MPP7: variants seen among roughly 807,000 people sequenced by gnomAD.
MPP7 encodes the protein MAGUK p55 scaffold protein 7, also known as MAGUK p55 subfamily member 7.
MPP7 carries 60 observed loss-of-function variants against 76.5 expected under a neutral mutation model. That is an observed-to-expected ratio of 0.78 (90% CI 0.64 to 0.97). The LOEUF is 0.97. Ranked by LOEUF, MPP7 falls within the 50% of genes least tolerant of loss-of-function variation. The pLI, the probability that MPP7 is intolerant of heterozygous loss-of-function variation, is 0.00. For synonymous variants in MPP7, 237 were observed against 244.5 expected, an observed-to-expected ratio of 0.97 and a Z score of 0.29; for missense variants, 641 against 694.0, an observed-to-expected ratio of 0.92 and a Z score of 0.86.
intron 1 of MPP7, among the ~76,000 whole-genome samples, chr10:28,265,573 A>C (rs1172981947): frequency 6.6e-6 from 1 of 152,056 alleles, no homozygotes; most frequent in Non-Finnish European, 1.5e-5. Flanking sequence ...CCCCACCCCC[A>C]AAAAATGCCT....
chr10:28,140,265 C>T (rs1261771693), intron 5 of MPP7, among the ~76,000 whole-genome samples: 2 of 152,190 alleles, frequency 1.3e-5, no homozygotes, highest in African/African-American at 4.8e-5. Flanking sequence ...AATCCTAACA[C>T]TTTGGTAGGC....
chr10:28,122,206 GT>G lies in MPP7; in HGVS notation c.616-1539del, dbSNP rs534991771. Among the ~76,000 whole-genome samples, 378 of 150,880 alleles carry G rather than the reference GT, an allele frequency of 2.5e-3. 3 individuals carry two copies. The highest frequency in any genetic ancestry group is 0.024 in the Admixed American group (367 of 15,136). ...TTATTTTTCTAGTTTGTGTCTGTGT[GT>G]TTTTTTTTAAATGGATCTATGGTCC... On this transcript the variant is annotated intron_variant, in intron 8 of 16. Coordinates refer to ENST00000683449, the MANE Select transcript of MPP7 (RefSeq NM_001318170.2).
intron 2 of MPP7, among the ~76,000 whole-genome samples, chr10:28,315,334 G>A (rs1264253500): frequency 2.1e-5 from 3 of 142,242 alleles, no homozygotes; most frequent in Non-Finnish European, 3.1e-5. Context: ...GAGAGGGAAA[G>A]AAGGAGGGAG....
chr10:28,269,620 G>A (rs1187907370), intron 1 of MPP7, among the ~76,000 whole-genome samples: 2 of 150,684 alleles, frequency 1.3e-5, no homozygotes, highest in Admixed American at 6.6e-5. Context: ...TCCAACTCCT[G>A]GCCTCAAGTG....
intron 1 of MPP7, among the ~76,000 whole-genome samples, chr10:28,290,745 T>G (rs1004011423): frequency 2.0e-5 from 3 of 152,174 alleles, no homozygotes; most frequent in Non-Finnish European, 2.9e-5. Flanking sequence ...AGTGCTGGGA[T>G]TACAGGCATG....
At chr10:28,228,198 TA>T (rs1376847176) in intron 2 of MPP7, among the ~76,000 whole-genome samples, 2 of 152,180 alleles carry the variant, frequency 1.3e-5, no homozygotes, top group African/African-American at 4.8e-5. Context: ...AAAAAAATGT[TA>T]ACATGAGATT....
intron 2 of MPP7, among the ~76,000 whole-genome samples, chr10:28,227,481 G>A (rs558554980): frequency 6.7e-5 from 10 of 148,602 alleles, no homozygotes; most frequent in South Asian, 2.2e-4. Context: ...CCCAACCCCC[G>A]ACAGGCTCCA....
intron 3 of MPP7, among the ~76,000 whole-genome samples, chr10:28,166,749 G>C (rs1475487291): frequency 6.6e-6 from 1 of 152,006 alleles, no homozygotes; most frequent in Non-Finnish European, 1.5e-5. Flanking sequence ...TACAACTCTT[G>C]TGTGAATGTT....
intron 2 of MPP7, among the ~76,000 whole-genome samples, chr10:28,208,564 T>C (rs1338156865): frequency 6.6e-6 from 1 of 152,062 alleles, no homozygotes; most frequent in African/African-American, 2.4e-5. Context: ...ACAAGTGCTG[T>C]TAGAAATCCT....
chr10:28,089,392 ATTGCCCTGATGTATGC>A (rs760009505), intron 12 of MPP7, among the ~76,000 whole-genome samples: 1 of 152,112 alleles, frequency 6.6e-6, no homozygotes, highest in Non-Finnish European at 1.5e-5. Flanking sequence ...CTATTATTTA[ATTGCCCTGATGTATGC>A]TTCATATATT....
chr10:28,263,447 C>T (rs1840053347), intron 1 of MPP7, among the ~76,000 whole-genome samples: 2 of 152,174 alleles, frequency 1.3e-5, no homozygotes, highest in Admixed American at 6.6e-5. Flanking sequence ...AAGTGTCCCC[C>T]GACCTTGATC....
At chr10:28,256,378 T>C (rs960504449) in intron 1 of MPP7, among the ~76,000 whole-genome samples, 2 of 142,990 alleles carry the variant, frequency 1.4e-5, no homozygotes, top group Admixed American at 7.0e-5. Context: ...TGAATTCCAA[T>C]AACAGATTAA....
At chr10:28,231,552 A>G (rs1029720756) in intron 2 of MPP7, among the ~76,000 whole-genome samples, 2 of 151,930 alleles carry the variant, frequency 1.3e-5, no homozygotes, top group Admixed American at 6.6e-5. Context: ...AGGACCAAAA[A>G]AAAAAAAGCA....
intron 2 of MPP7, among the ~76,000 whole-genome samples, chr10:28,229,237 A>C (rs1838797841): frequency 6.6e-6 from 1 of 152,246 alleles, no homozygotes. Flanking sequence ...AAACAGCCAG[A>C]GAAAGAAGCC....
At chr10:28,091,342 C>T (rs1481385711) in intron 11 of MPP7, among the ~76,000 whole-genome samples, 1 of 147,716 alleles carries the variant, frequency 6.8e-6, no homozygotes, top group Non-Finnish European at 1.5e-5. Context: ...GGCTAGAGTG[C>T]AATGGCATGA....
At chr10:28,215,308 G>A (rs1022014533) in intron 2 of MPP7, among the ~76,000 whole-genome samples, 2 of 151,660 alleles carry the variant, frequency 1.3e-5, no homozygotes, top group Non-Finnish European at 2.9e-5. Context: ...AGTGGGCAAG[G>A]GAACCCATTG....
chr10:28,057,901 G>A lies in MPP7; in HGVS notation c.1407+594C>T, dbSNP rs1230834391. 1.7e-5 allele frequency: 20 copies of A among 1,184,872 alleles called. No homozygotes were observed. In the South Asian group the frequency reaches 2.2e-4, roughly 13 times the overall value. The allele number at this position is 1,184,872 out of a possible 1,614,324, so 73.4% of individuals were successfully genotyped here. A position where few individuals can be genotyped will look rare whatever the true frequency, so the allele number is the denominator to read the frequency against. On this transcript the variant is annotated intron_variant, in intron 15 of 16. Transcript: ENST00000683449. ...CTGGGGATCTGCTGGAAGATGTATGGTTTGATAGGGAATTGAATGGCCTCA... is the reference window on the plus strand; with the variant it reads ...CTGGGGATCTGCTGGAAGATGTATGATTTGATAGGGAATTGAATGGCCTCA...
intron 1 of MPP7, among the ~76,000 whole-genome samples, chr10:28,287,520 T>G (rs1840816086): frequency 6.6e-6 from 1 of 152,210 alleles, no homozygotes. Flanking sequence ...TTTCTTTCAT[T>G]TTGGATCTTT....
intron 12 of MPP7, among the ~76,000 whole-genome samples, chr10:28,082,418 T>C (rs1852806636): frequency 6.6e-6 from 1 of 151,612 alleles, no homozygotes; most frequent in Non-Finnish European, 1.5e-5. Context: ...CTCCTCCTCC[T>C]CCTTCTCTCC....
Sources: gnomAD v4.1 joint callset for allele counts (sites outside exome capture counted in the v4.1 genomes callset) on GRCh38, gnomAD v4.1.1 for gene constraint, MANE v1.5 for transcripts, NCBI Gene and HGNC (gene_info 2026-07-23, HGNC 2026-07-21) for gene names.